The following ARHGAP42 variants were observed in gnomAD, a reference collection of about 807,000 sequenced individuals.
ARHGAP42 encodes Rho GTPase activating protein 42, also known as rho GTPase-activating protein 42.
Under a neutral mutation model 125.0 loss-of-function variants are expected in ARHGAP42, and 63 were observed. The observed-to-expected ratio is 0.50, with a 90% CI of 0.41 to 0.62. The LOEUF is 0.62. Among genes scored for constraint, ARHGAP42 ranks in the 20% least tolerant of loss-of-function variants. ARHGAP42 has a pLI of 0.00. For missense variants in ARHGAP42, 766 were observed against 1,024.2 expected (o/e 0.75, Z 3.44); for synonymous variants, 339 against 351.0 (o/e 0.97, Z 0.38).
At chr11:100,794,538 C>T (rs955523750) in intron 2 of ARHGAP42, among the ~76,000 whole-genome samples, 6 of 152,138 alleles carry the variant, frequency 3.9e-5, no homozygotes, top group African/African-American at 1.2e-4. Context: ...CTGATGTTAA[C>T]GCTGAATTGA....
intron 2 of ARHGAP42, among the ~76,000 whole-genome samples, chr11:100,776,195 G>T (rs1863115968): frequency 6.6e-6 from 1 of 151,876 alleles, no homozygotes; most frequent in Non-Finnish European, 1.5e-5. Flanking sequence ...TAGTCAAACT[G>T]AACTAGTGCC....
intron 9 of ARHGAP42, among the ~76,000 whole-genome samples, 163 bp from the exon 10 acceptor site, chr11:100,943,596 C>T (rs1184569312): frequency 5.3e-5 from 8 of 152,060 alleles, no homozygotes; most frequent in South Asian, 2.1e-4. Flanking sequence ...GTATTATGAT[C>T]GGACAGCTAA....
intron 2 of ARHGAP42, among the ~76,000 whole-genome samples, chr11:100,784,171 C>T (rs769523122): frequency 6.6e-6 from 1 of 152,092 alleles, no homozygotes; most frequent in Non-Finnish European, 1.5e-5. Context: ...GGGAAAACTA[C>T]AGGAATGTAT....
chr11:100,763,417 C>G (rs1862756213), intron 1 of ARHGAP42, among the ~76,000 whole-genome samples: 2 of 152,132 alleles, frequency 1.3e-5, no homozygotes, highest in African/African-American at 4.8e-5. Flanking sequence ...CTTCAAGAAG[C>G]CTAAAACCTA....
At chr11:100,780,339 T>A (rs1326840442) in intron 2 of ARHGAP42, among the ~76,000 whole-genome samples, 1 of 152,116 alleles carries the variant, frequency 6.6e-6, no homozygotes, top group East Asian at 1.9e-4. Flanking sequence ...ACAAAATAAT[T>A]AGTGTAATAA....
intron 12 of ARHGAP42, among the ~76,000 whole-genome samples, chr11:100,952,740 T>TTTTTTTTTTA: frequency 6.8e-6 from 1 of 146,766 alleles, no homozygotes; most frequent in East Asian, 2.0e-4. Flanking sequence ...CAGGCTTTTT[T>TTTTTTTTTTA]TTTTTGAGAT....
At chr11:100,850,816 A>C (rs977239139) in intron 3 of ARHGAP42, among the ~76,000 whole-genome samples, 9 of 148,804 alleles carry the variant, frequency 6.0e-5, no homozygotes, top group African/African-American at 1.8e-4. Flanking sequence ...ACAAACTTCT[A>C]CTCTAGCACT....
At chr11:100,977,046 G>T in intron 21 of ARHGAP42, 75 bp downstream of exon 21, 1 of 1,501,140 alleles carries the variant, frequency 6.7e-7, no homozygotes, top group Non-Finnish European at 9.0e-7. Context: ...AAGAACTCTT[G>T]GGAATCCCAC....
chr11:100,906,371 G>C (rs1034971548), intron 4 of ARHGAP42, among the ~76,000 whole-genome samples: 1 of 152,112 alleles, frequency 6.6e-6, no homozygotes, highest in Non-Finnish European at 1.5e-5. Flanking sequence ...TGAAGGCTAT[G>C]GATTTTGGTT....
chr11:100,956,398 A>G (rs1565293428), intron 12 of ARHGAP42, among the ~76,000 whole-genome samples: 2 of 152,242 alleles, frequency 1.3e-5, no homozygotes, highest in East Asian at 3.9e-4. Context: ...GACTCTCAAC[A>G]TTGTTTTCAC....
chr11:100,788,886 T>A (rs769855565), intron 2 of ARHGAP42, among the ~76,000 whole-genome samples: 8 of 152,200 alleles, frequency 5.3e-5, no homozygotes. Flanking sequence ...ATTTTTTAAG[T>A]GTTCAAAAAA....
At chr11:100,926,172 C>T (rs192855210) in intron 6 of ARHGAP42, among the ~76,000 whole-genome samples, 27 of 152,248 alleles carry the variant, frequency 1.8e-4, no homozygotes, top group African/African-American at 5.8e-4. Context: ...GTCCTTTGAG[C>T]CTACTTAGTT....
At chr11:100,761,694 A>C (rs1436993114) in intron 1 of ARHGAP42, among the ~76,000 whole-genome samples, 1 of 152,164 alleles carries the variant, frequency 6.6e-6, no homozygotes, top group Non-Finnish European at 1.5e-5. Flanking sequence ...ATTTATTTTC[A>C]CTGAAGCTCT....
chr11:100,747,733 C>T (rs11224428), intron 1 of ARHGAP42, among the ~76,000 whole-genome samples: 2,014 of 152,284 alleles, frequency 0.013, 57 homozygotes, highest in African/African-American at 0.046. Flanking sequence ...TTTCCTTACA[C>T]ACCTTGCACA....
rs181446006 is a variant in ARHGAP42, at chr11:100,732,023, C to T, written c.155-38320C>T. On this transcript the variant is annotated intron_variant, in intron 1 of 23. Transcript: ENST00000298815. ...AGGCTGGAGTGCAATGACGTGATCTCAGCTCACTGAGCTCAACCTCTGTCT... is the reference window on the plus strand; with the variant it reads ...AGGCTGGAGTGCAATGACGTGATCTTAGCTCACTGAGCTCAACCTCTGTCT... Among the ~76,000 whole-genome samples, 3 of 151,258 alleles carry T rather than the reference C, an allele frequency of 2.0e-5. No individual in the cohort carries two copies. In the East Asian group the frequency reaches 5.8e-4, roughly 29 times the overall value.
In ARHGAP42 at chr11:100,687,754, G is replaced by T; in HGVS notation, c.76G>T (p.Glu26Ter). The stretch of plus-strand genomic sequence containing the variant: ...TTTCAGGGAGCGCTTGCAGTGTCAC[G>T]AGATTGAGCTGGAGCGAACCAACAA... ...PDFRERLQCH[E>*]IELERTNKFI... is the part of the protein sequence containing the mutation. Residue 26 changes from glutamate to a stop codon, truncating the protein, a stop_gained, in exon 1 of 24, where the codon GAG becomes TAG. Transcript: ENST00000298815. LOFTEE classifies it high-confidence loss of function. 1 of 1,550,910 alleles carries T rather than the reference G, an allele frequency of 6.4e-7. No individual in the cohort carries two copies. The highest frequency in any genetic ancestry group is 8.7e-7 in the Non-Finnish European group (1 of 1,146,752).
chr11:100,766,803 C>T (rs1039642021), intron 1 of ARHGAP42, among the ~76,000 whole-genome samples: 24 of 152,102 alleles, frequency 1.6e-4, no homozygotes, highest in African/African-American at 5.3e-4. Flanking sequence ...ATCAAGAACC[C>T]GAACACACTT....
In ARHGAP42 at chr11:100,903,737, T is replaced by A. The variant is rs1308263108; in HGVS notation, c.385-9715T>A. Among the ~76,000 whole-genome samples, 817 of 107,812 alleles carry A rather than the reference T, an allele frequency of 7.6e-3. 34 individuals are homozygous for A. The highest frequency in any genetic ancestry group is 0.02 in the Middle Eastern group (4 of 204). 70.7% of individuals were successfully genotyped at this position (107,812 alleles called of 152,430 possible). ...ATATATATATATATATATATATATA[T>A]ATATATATATATATATATGTATGTA... is the stretch of plus-strand genomic sequence containing the variant. On this transcript the variant is annotated intron_variant, in intron 4 of 23. Transcript: ENST00000298815.
chr11:100,860,579 A>G (rs1032614919), intron 4 of ARHGAP42, among the ~76,000 whole-genome samples: 7 of 152,026 alleles, frequency 4.6e-5, no homozygotes, highest in African/African-American at 1.4e-4. Flanking sequence ...GACACTAATC[A>G]TGTCTTTGCC....
Sources: allele counts gnomAD v4.1 joint callset (sites outside exome capture counted in the v4.1 genomes callset), GRCh38; gene constraint gnomAD v4.1.1; transcripts MANE v1.5; gene names NCBI Gene and HGNC (gene_info 2026-07-23, HGNC 2026-07-21).